The following COL21A1 variants were observed in gnomAD, a reference collection of about 807,000 sequenced individuals.
The protein encoded by COL21A1 is collagen type XXI alpha 1 chain, also known as collagen alpha-1(XXI) chain.
Under a neutral mutation model 137.9 loss-of-function variants are expected in COL21A1, and 149 were observed. That is an observed-to-expected ratio of 1.08 (90% CI 0.95 to 1.24). COL21A1 has a LOEUF of 1.24. Among genes scored for constraint, COL21A1 ranks in the 50% most tolerant of loss-of-function variants. The pLI is 0.00. For synonymous variants in COL21A1, 456 were observed against 391.5 expected (o/e 1.16, Z -1.95); for missense variants, 1,167 against 1,158.4 (o/e 1.01, Z -0.11).
rs769016119 is a variant in COL21A1 at position 56,074,332 on chromosome 6, T to TA, written c.1912-48dup. On this transcript the variant is annotated intron_variant, in intron 19 of 29. Coordinates refer to ENST00000244728, the MANE Select transcript of COL21A1 (RefSeq NM_030820.4). ...TCAAGAGTAACTTAGAGAAGATTAT[T>TA]AAAAAATATTAAATCAATTTCCAAG... 4.0e-6 allele frequency: 5 copies of TA among 1,235,772 alleles called. No individual in the cohort carries two copies. The South Asian group carries it at 5.6e-5, about 14-fold the overall frequency. The allele number at this position is 1,235,772 out of a possible 1,614,324, so 76.6% of individuals were successfully genotyped here.
intron 9 of COL21A1, among the ~76,000 whole-genome samples, chr6:56,162,066 A>G (rs1776241929): frequency 6.6e-6 from 1 of 152,220 alleles, no homozygotes. Context: ...AACCTAAAGT[A>G]AACTTGTCTC....
At chr6:56,111,016 G>A (rs1466566123) in intron 16 of COL21A1, among the ~76,000 whole-genome samples, 1 of 152,076 alleles carries the variant, frequency 6.6e-6, no homozygotes, top group Non-Finnish European at 1.5e-5. Flanking sequence ...AATATGGGAT[G>A]AAAAAGTAGT....
chr6:56,300,704 A>G (rs1050601390), intron 1 of COL21A1, among the ~76,000 whole-genome samples: 1 of 152,150 alleles, frequency 6.6e-6, no homozygotes, highest in African/African-American at 2.4e-5. Context: ...TCATTAGCCC[A>G]AGACACATAA....
intron 16 of COL21A1, among the ~76,000 whole-genome samples, chr6:56,117,408 C>T (rs1424938012): frequency 6.6e-6 from 1 of 151,792 alleles, no homozygotes; most frequent in African/African-American, 2.4e-5. Context: ...TTAAATGCAC[C>T]TAACACCCAA....
chr6:56,349,349 A>G (rs1435154508), intron 1 of COL21A1, among the ~76,000 whole-genome samples: 3 of 68,300 alleles, frequency 4.4e-5, no homozygotes, highest in East Asian at 2.3e-3. Flanking sequence ...CCCCCCTGAA[A>G]AAAAAAAAAA....
Position 56,060,127 on chromosome 6 carries a change from A to T in COL21A1, c.2499T>A (p.Pro833=). ...TGGGACCCTCTGGGCCTATCGGACC[A>T]GGTGGCCCAGGAATACCCGGGGAGC... The part of the protein sequence containing the change: ...QHGSPGIPGP[P]GPIGPEGPRG... The change falls in exon 28 of 30, where the codon CCT becomes CCA. Residue 833 remains proline, a synonymous_variant. Coordinates refer to ENST00000244728, the MANE Select transcript of COL21A1 (RefSeq NM_030820.4). 6.2e-7 allele frequency: 1 copy of T among 1,611,016 alleles called. No homozygotes were observed. Among genetic ancestry groups the T allele is most frequent in the Non-Finnish European group, 8.5e-7 (1 of 1,179,068 alleles).
At chr6:56,157,112 T>G (rs1218020939) in intron 9 of COL21A1, among the ~76,000 whole-genome samples, 163 bp from the exon 10 acceptor site, 1 of 151,188 alleles carries the variant, frequency 6.6e-6, no homozygotes, top group Admixed American at 6.6e-5. Context: ...ACTTAATAAA[T>G]AATGCATTTT....
chr6:56,219,216 C>CAAAA (rs386407160), intron 1 of COL21A1, among the ~76,000 whole-genome samples: 2,241 of 76,350 alleles, frequency 0.029, 71 homozygotes, highest in African/African-American at 0.037. Flanking sequence ...AAACTTGCAC[C>CAAAA]AAAAAAAAAA....
At chr6:56,097,673 G>C (rs1203118481) in intron 17 of COL21A1, among the ~76,000 whole-genome samples, 1 of 147,634 alleles carries the variant, frequency 6.8e-6, no homozygotes, top group Non-Finnish European at 1.5e-5. Context: ...CCAAATCAGT[G>C]TCTGCTTGGC....
At chr6:56,120,242 T>C (rs1036028642) in intron 16 of COL21A1, among the ~76,000 whole-genome samples, 21 of 152,088 alleles carry the variant, frequency 1.4e-4, no homozygotes, top group African/African-American at 5.1e-4. Flanking sequence ...GGGCAAAATA[T>C]TTGAATAGAC....
chr6:56,198,788 T>C (rs1582621144), intron 1 of COL21A1, among the ~76,000 whole-genome samples: 1 of 152,274 alleles, frequency 6.6e-6, no homozygotes, highest in East Asian at 1.9e-4. Context: ...GCCTATATTC[T>C]AGTTTTCCAA....
intron 1 of COL21A1, among the ~76,000 whole-genome samples, chr6:56,342,051 T>C (rs986315450): frequency 6.6e-6 from 1 of 152,234 alleles, no homozygotes; most frequent in Non-Finnish European, 1.5e-5. Flanking sequence ...CCAAATAGCA[T>C]GTGACTGGGC....
chr6:56,105,749 A>T (rs1411424916), intron 16 of COL21A1, among the ~76,000 whole-genome samples: 1 of 152,210 alleles, frequency 6.6e-6, no homozygotes, highest in African/African-American at 2.4e-5. Context: ...GATTTATGAG[A>T]TTAATGAGAA....
chr6:56,103,509 G>A (rs1306282063), intron 16 of COL21A1, among the ~76,000 whole-genome samples: 1 of 152,058 alleles, frequency 6.6e-6, no homozygotes, highest in Non-Finnish European at 1.5e-5. Context: ...ATGATTAGAT[G>A]ACTACTTTGA....
chr6:56,104,522 T>G (rs751958719), intron 16 of COL21A1, among the ~76,000 whole-genome samples: 3 of 152,200 alleles, frequency 2.0e-5, no homozygotes, highest in Non-Finnish European at 4.4e-5. Flanking sequence ...TTAATATTGT[T>G]ACCAGAACTT....
At chr6:56,195,796 A>G (rs1200866656) in intron 1 of COL21A1, among the ~76,000 whole-genome samples, 2 of 152,122 alleles carry the variant, frequency 1.3e-5, no homozygotes, top group Non-Finnish European at 2.9e-5. Flanking sequence ...ATTCTATTAG[A>G]CTTTAAAAGG....
chr6:56,200,818 C>A (rs1779345189), intron 1 of COL21A1, among the ~76,000 whole-genome samples: 1 of 151,996 alleles, frequency 6.6e-6, no homozygotes, highest in African/African-American at 2.4e-5. Flanking sequence ...GGTATATACC[C>A]AGTAATGGGA....
chr6:56,103,495 A>G (rs1770624678), intron 16 of COL21A1, among the ~76,000 whole-genome samples: 1 of 152,220 alleles, frequency 6.6e-6, no homozygotes, highest in South Asian at 2.1e-4. Flanking sequence ...TAATGGCAAA[A>G]TACATGATTA....
At chr6:56,337,961 C>CTTTTT (rs200998969) in intron 1 of COL21A1, among the ~76,000 whole-genome samples, 166 of 90,826 alleles carry the variant, frequency 1.8e-3, no homozygotes, top group Non-Finnish European at 3.5e-3. Context: ...CTTTTCTTTT[C>CTTTTT]TTTTTTTTTT....
Sources: allele counts gnomAD v4.1 joint callset (sites outside exome capture counted in the v4.1 genomes callset), GRCh38; gene constraint gnomAD v4.1.1; transcripts MANE v1.5; gene names NCBI Gene and HGNC (gene_info 2026-07-23, HGNC 2026-07-21).